Variants in NRG1 observed in about 807,000 individuals in gnomAD.
NRG1 encodes the protein neuregulin 1, also known as pro-neuregulin-1, membrane-bound isoform.
Under a neutral mutation model 63.8 loss-of-function variants are expected in NRG1, and 18 were observed. That is an observed-to-expected ratio of 0.28 (90% CI 0.19 to 0.42). The LOEUF (loss-of-function observed/expected upper bound fraction) is 0.42, where lower values mean the gene tolerates loss of function less well. NRG1 is among the 10% of genes least tolerant of loss of function. The pLI is 1.00. For missense variants in NRG1, 762 were observed against 814.7 expected (o/e 0.94, Z 0.79); for synonymous variants, 302 against 301.3 (o/e 1.00, Z -0.02).
At chr8:32,040,866 C>A (rs1365715359) in intron 1 of NRG1, among the ~76,000 whole-genome samples, 1 of 146,070 alleles carries the variant, frequency 6.8e-6, no homozygotes, top group Non-Finnish European at 1.5e-5. Context: ...TTCTTCTGAG[C>A]CTTCAGTATT....
At chr8:32,071,245 G>T (rs1825717215) in intron 1 of NRG1, among the ~76,000 whole-genome samples, 1 of 152,144 alleles carries the variant, frequency 6.6e-6, no homozygotes, top group Non-Finnish European at 1.5e-5. Flanking sequence ...AACTCGATAG[G>T]AGGCTCTTAT....
At chr8:32,253,375 A>G (rs909311922) in intron 1 of NRG1, among the ~76,000 whole-genome samples, 16 of 152,134 alleles carry the variant, frequency 1.1e-4, no homozygotes, top group African/African-American at 3.9e-4. Context: ...ATCAATAGGT[A>G]GTTTATTGAG....
chr8:32,593,796 A>G (rs1383963653), intron 1 of NRG1, among the ~76,000 whole-genome samples: 1 of 151,226 alleles, frequency 6.6e-6, no homozygotes, highest in African/African-American at 2.4e-5. Flanking sequence ...AGATTCATGA[A>G]CCACATTTTA....
chr8:32,143,044 TC>T (rs1442639871), intron 1 of NRG1, among the ~76,000 whole-genome samples: 1 of 152,186 alleles, frequency 6.6e-6, no homozygotes, highest in Non-Finnish European at 1.5e-5. Context: ...GGAGGTTTCT[TC>T]CCATTATGTG....
intron 1 of NRG1, among the ~76,000 whole-genome samples, chr8:32,405,677 A>T (rs1427651516): frequency 6.6e-6 from 1 of 152,120 alleles, no homozygotes; most frequent in Non-Finnish European, 1.5e-5. Context: ...TAATCAGGTA[A>T]TCTTTATGAA....
At chr8:32,371,355 G>GTGAC (rs950482567) in intron 1 of NRG1, among the ~76,000 whole-genome samples, 30 of 152,316 alleles carry the variant, frequency 2.0e-4, no homozygotes, top group African/African-American at 7.2e-4. Context: ...TCAGCATTCT[G>GTGAC]TGACTGCGTG....
chr8:32,136,446 C>G (rs1315270018), intron 1 of NRG1, among the ~76,000 whole-genome samples: 2 of 152,190 alleles, frequency 1.3e-5, no homozygotes, highest in Non-Finnish European at 2.9e-5. Context: ...GAAACAGTGG[C>G]AGGTGAACTT....
At chr8:32,618,984 G>A (rs111407792) in intron 5 of NRG1, among the ~76,000 whole-genome samples, 27 of 152,236 alleles carry the variant, frequency 1.8e-4, no homozygotes, top group African/African-American at 6.0e-4. Flanking sequence ...AGGCCAAGGC[G>A]GGAAGATTGC....
intron 1 of NRG1, among the ~76,000 whole-genome samples, chr8:32,224,681 A>G (rs1846150374): frequency 6.6e-6 from 1 of 152,228 alleles, no homozygotes; most frequent in South Asian, 2.1e-4. Flanking sequence ...TAGACAAAGG[A>G]TCACTCAAAG....
chr8:32,763,442 A>G, intron 11 of NRG1: 6 of 1,427,190 alleles, frequency 4.2e-6, no homozygotes, highest in South Asian at 4.0e-5. Context: ...TCCAGGACCT[A>G]ATGCCTTCTT....
intron 1 of NRG1, among the ~76,000 whole-genome samples, chr8:31,677,414 A>G (rs1000894859): frequency 3.3e-5 from 5 of 152,192 alleles, no homozygotes; most frequent in African/African-American, 1.2e-4. Context: ...CTATATAGAT[A>G]TGGATAGGTT....
At chr8:32,447,050 A>G (rs1298316334) in intron 1 of NRG1, among the ~76,000 whole-genome samples, 3 of 133,454 alleles carry the variant, frequency 2.2e-5, no homozygotes, top group Non-Finnish European at 4.9e-5. Flanking sequence ...GTCTTGCACT[A>G]TTGTGCGGGC....
At chr8:31,861,388 T>A (rs574716525) in intron 1 of NRG1, among the ~76,000 whole-genome samples, 30 of 152,288 alleles carry the variant, frequency 2.0e-4, no homozygotes, top group Non-Finnish European at 3.7e-4. Context: ...GAGGCAGTGT[T>A]CAAAATCTAT....
intron 1 of NRG1, among the ~76,000 whole-genome samples, chr8:31,863,613 T>A (rs2129610698): frequency 6.6e-6 from 1 of 152,340 alleles, no homozygotes; most frequent in South Asian, 2.1e-4. Flanking sequence ...GATTAACCAC[T>A]TATATCCAGC....
chr8:31,915,179 T>C (rs1833278413), intron 1 of NRG1, among the ~76,000 whole-genome samples: 1 of 152,016 alleles, frequency 6.6e-6, no homozygotes, highest in Non-Finnish European at 1.5e-5. Context: ...GGACTGGTGA[T>C]TCAAAAACTC....
exon 10 of NRG1, chr8:32,759,436 G>A: frequency 6.2e-7 from 1 of 1,610,410 alleles, no homozygotes; most frequent in Non-Finnish European, 8.5e-7. Context: ...CCTAGCCACA[G>A]GTATGAGAAT....
At chr8:32,301,237 A>G (rs1002337121) in intron 1 of NRG1, among the ~76,000 whole-genome samples, 6 of 152,238 alleles carry the variant, frequency 3.9e-5, no homozygotes, top group Non-Finnish European at 8.8e-5. Flanking sequence ...TCAAAAATAC[A>G]AAAGCTAGAA....
intron 1 of NRG1, among the ~76,000 whole-genome samples, chr8:31,849,197 AAT>A (rs1283944783): frequency 6.6e-6 from 1 of 152,190 alleles, no homozygotes; most frequent in African/African-American, 2.4e-5. Flanking sequence ...GCATCTAAAG[AAT>A]ATAGAGTCAA....
chr8:31,811,286 A>G (rs1005028085), intron 1 of NRG1, among the ~76,000 whole-genome samples: 2 of 152,152 alleles, frequency 1.3e-5, no homozygotes, highest in Non-Finnish European at 1.5e-5. Flanking sequence ...GGGAGAATCA[A>G]TCTCACTTCT....
Sources: gnomAD v4.1 joint callset for allele counts (sites outside exome capture counted in the v4.1 genomes callset) on GRCh38, gnomAD v4.1.1 for gene constraint, MANE v1.5 for transcripts, NCBI Gene and HGNC (gene_info 2026-07-23, HGNC 2026-07-21) for gene names.